MCTP1: variants seen among roughly 807,000 people sequenced by gnomAD.
The protein encoded by MCTP1 is multiple C2 and transmembrane domain containing 1.
In MCTP1, 69 loss-of-function variants were observed where a neutral mutation model predicts 120.6. The ratio of observed to expected loss-of-function variants is 0.57; its 90% CI spans 0.47 to 0.70. MCTP1 has a LOEUF of 0.70. MCTP1 is among the 30% of genes least tolerant of loss of function. The pLI, the probability that MCTP1 is intolerant of heterozygous loss-of-function variation, is 0.00. For synonymous variants in MCTP1, 529 were observed against 493.1 expected (o/e 1.07, Z -0.96); for missense variants, 1,203 against 1,248.8 (o/e 0.96, Z 0.55).
At chr5:94,826,580 T>G in intron 17 of MCTP1, 1 of 751,448 alleles carries the variant, frequency 1.3e-6, no homozygotes, top group Non-Finnish European at 2.4e-6. Flanking sequence ...AAGCATCTTT[T>G]GGGCAAACTT....
intron 1 of MCTP1, among the ~76,000 whole-genome samples, chr5:95,060,181 TC>T (rs869223569): frequency 9.9e-5 from 4 of 40,306 alleles, no homozygotes; most frequent in Non-Finnish European, 8.5e-4. Context: ...TCTTCTCATC[TC>T]TGAGATGAGA....
intron 19 of MCTP1, among the ~76,000 whole-genome samples, chr5:94,746,079 TC>T (rs1219265275): frequency 6.6e-6 from 1 of 152,196 alleles, no homozygotes; most frequent in Non-Finnish European, 1.5e-5. Context: ...CCGGAACACA[TC>T]CTTTTCCAGC....
chr5:94,980,282 C>T, intron 2 of MCTP1, among the ~76,000 whole-genome samples: 1 of 152,072 alleles, frequency 6.6e-6, no homozygotes, highest in East Asian at 1.9e-4. Context: ...TTTCCAATGC[C>T]TTCCCGTCAC....
At chr5:95,178,070 T>TGCC (rs1748213096) in intron 1 of MCTP1, among the ~76,000 whole-genome samples, 1 of 152,176 alleles carries the variant, frequency 6.6e-6, no homozygotes, top group Non-Finnish European at 1.5e-5. Context: ...GGCCTGTGAC[T>TGCC]GCCGTCTTTC....
chr5:94,818,227 G>A (rs578012627), intron 17 of MCTP1, among the ~76,000 whole-genome samples: 3 of 152,282 alleles, frequency 2.0e-5, no homozygotes, highest in South Asian at 2.1e-4. Context: ...TTTAGCCCCT[G>A]AAGCAGACAT....
chr5:94,867,550 T>C lies in MCTP1; in HGVS notation c.2436+783A>G, dbSNP rs78497121. On this transcript the variant is annotated intron_variant, in intron 17 of 22. Transcript: ENST00000515393. ...ACTATAAGGAAGCATAAGGTACTCA[T>C]ATTTGAACAAACATGAAAATAAAAT... 2,402 of 445,384 alleles carry C rather than the reference T, an allele frequency of 5.4e-3. 14 individuals carry two copies. Among genetic ancestry groups the C allele is most frequent in the Non-Finnish European group, 7.4e-3 (1,864 of 251,070 alleles). 27.6% of individuals were successfully genotyped at this position (445,384 alleles called of 1,614,324 possible).
intron 17 of MCTP1, among the ~76,000 whole-genome samples, chr5:94,832,951 G>A (rs1396017234): frequency 6.6e-6 from 1 of 152,198 alleles, no homozygotes; most frequent in Non-Finnish European, 1.5e-5. Context: ...AACAGGGTGG[G>A]TAGAGATAAT....
At chr5:94,851,733 GAAAT>G (rs1793766880) in intron 17 of MCTP1, among the ~76,000 whole-genome samples, 1 of 151,966 alleles carries the variant, frequency 6.6e-6, no homozygotes, top group Admixed American at 6.6e-5. Flanking sequence ...GCATTTATTA[GAAAT>G]AAATATGCGA....
rs149356139 is a variant in MCTP1, at chr5:94,770,900, C to G, written c.2610+8210G>C. Reference sequence around the variant, plus strand: ...CGTGCCTAATCATCACCTAATAAAGCCACAGCAGATCCCATTGTGTTACTG... The same window carrying G: ...CGTGCCTAATCATCACCTAATAAAGGCACAGCAGATCCCATTGTGTTACTG... On this transcript the variant is annotated intron_variant, in intron 19 of 22. Transcript: ENST00000515393. 2.9e-3 allele frequency among the ~76,000 whole-genome samples: 438 copies of G among 152,238 alleles called. 2 individuals are homozygous for G. Among genetic ancestry groups the G allele is most frequent in the African/African-American group, 0.01 (418 of 41,542 alleles).
At chr5:95,136,928 T>C (rs770535767) in intron 1 of MCTP1, among the ~76,000 whole-genome samples, 37 of 152,236 alleles carry the variant, frequency 2.4e-4, no homozygotes, top group Non-Finnish European at 4.7e-4. Context: ...TCATCAAGAC[T>C]ACAATGGAGA....
chr5:95,026,923 TG>T (rs1409234403), intron 1 of MCTP1, among the ~76,000 whole-genome samples: 1 of 152,236 alleles, frequency 6.6e-6, no homozygotes, highest in Non-Finnish European at 1.5e-5. Context: ...TACTTAGTCA[TG>T]ACCAGTTTCT....
chr5:94,785,203 C>T (rs763367486), intron 18 of MCTP1, among the ~76,000 whole-genome samples: 3 of 152,100 alleles, frequency 2.0e-5, no homozygotes, highest in Admixed American at 6.5e-5. Flanking sequence ...GTATAAGCCT[C>T]TTAAATTTCT....
chr5:95,068,631 G>A (rs774189657), intron 1 of MCTP1, among the ~76,000 whole-genome samples: 8 of 152,154 alleles, frequency 5.3e-5, no homozygotes, highest in Non-Finnish European at 1.0e-4. Context: ...TTTCTACTTA[G>A]TTCACTTCCA....
intron 19 of MCTP1, among the ~76,000 whole-genome samples, chr5:94,740,657 C>CTTCAT (rs1245088087): frequency 6.6e-6 from 1 of 152,112 alleles, no homozygotes; most frequent in African/African-American, 2.4e-5. Flanking sequence ...GTACGTAGAG[C>CTTCAT]TTCATTGTGA....
At chr5:94,905,978 C>T (rs1806786893) in intron 10 of MCTP1, among the ~76,000 whole-genome samples, 2 of 151,966 alleles carry the variant, frequency 1.3e-5, no homozygotes, top group Admixed American at 1.3e-4. Context: ...AAGAAAAAAA[C>T]AAGGAGCATG....
At chr5:94,893,423 T>A (rs1412173982) in intron 11 of MCTP1, among the ~76,000 whole-genome samples, 1 of 152,216 alleles carries the variant, frequency 6.6e-6, no homozygotes, top group Non-Finnish European at 1.5e-5. Context: ...TGTAAAATAA[T>A]CTTCATAACT....
At chr5:94,791,314 AG>A (rs953708422) in intron 18 of MCTP1, among the ~76,000 whole-genome samples, 4 of 151,608 alleles carry the variant, frequency 2.6e-5, no homozygotes, top group African/African-American at 9.7e-5. Context: ...AAAAAATTGA[AG>A]GAAACATTTC....
intron 1 of MCTP1, among the ~76,000 whole-genome samples, chr5:95,224,228 T>A (rs1754009352): frequency 1.3e-5 from 2 of 152,280 alleles, no homozygotes; most frequent in African/African-American, 4.8e-5. Flanking sequence ...GGAATAAGGT[T>A]TCTAGGATAT....
At chr5:95,169,618 G>A (rs1746947879) in intron 1 of MCTP1, among the ~76,000 whole-genome samples, 1 of 152,182 alleles carries the variant, frequency 6.6e-6, no homozygotes, top group South Asian at 2.1e-4. Context: ...TCCTGGTTTA[G>A]TCTTGGGAGG....
Sources: gnomAD v4.1 joint callset for allele counts (sites outside exome capture counted in the v4.1 genomes callset) on GRCh38, gnomAD v4.1.1 for gene constraint, MANE v1.5 for transcripts, NCBI Gene and HGNC (gene_info 2026-07-23, HGNC 2026-07-21) for gene names.